DCDC2: variants seen among roughly 807,000 people sequenced by gnomAD.
The protein encoded by DCDC2 is doublecortin domain containing 2.
Under a neutral mutation model 50.2 loss-of-function variants are expected in DCDC2, and 40 were observed. That is an observed-to-expected ratio of 0.80 (90% CI 0.62 to 1.04). DCDC2 has a LOEUF of 1.04. DCDC2 is among the 50% of genes least tolerant of loss of function. The probability of loss-of-function intolerance (pLI) is 0.00; values close to 1 mark genes in which losing one functional copy is unlikely to be tolerated. For synonymous variants in DCDC2, 234 were observed against 210.6 expected (o/e 1.11, Z -0.96); for missense variants, 570 against 581.9 (o/e 0.98, Z 0.21).
At chr6:24,210,831 T>C (rs1012787261) in intron 7 of DCDC2, among the ~76,000 whole-genome samples, 4 of 152,134 alleles carry the variant, frequency 2.6e-5, no homozygotes, top group Non-Finnish European at 4.4e-5. Flanking sequence ...GATCTGGCAC[T>C]TAACTCCTCC....
intron 7 of DCDC2, among the ~76,000 whole-genome samples, chr6:24,243,650 G>C (rs1382201470): frequency 6.6e-6 from 1 of 152,172 alleles, no homozygotes; most frequent in Non-Finnish European, 1.5e-5. Flanking sequence ...TAGTTTGGAA[G>C]GAAGGCCCAG....
At chr6:24,222,851 A>G (rs1178300293) in intron 7 of DCDC2, among the ~76,000 whole-genome samples, 5 of 152,236 alleles carry the variant, frequency 3.3e-5, no homozygotes, top group Non-Finnish European at 5.9e-5. Flanking sequence ...ACAAAGTTCT[A>G]TTATTAAAGC....
the DCDC2 span, among the ~76,000 whole-genome samples, chr6:24,374,018 C>T: frequency 5.4e-3 from 815 of 151,910 alleles, 5 homozygotes; most frequent in African/African-American, 0.018. Flanking sequence ...AAAAATTAGC[C>T]GGGCGTGGTG....
intron 4 of DCDC2, among the ~76,000 whole-genome samples, chr6:24,297,631 A>G (rs907650719): frequency 2.0e-5 from 3 of 152,132 alleles, no homozygotes; most frequent in Non-Finnish European, 4.4e-5. Context: ...ACCTGTATAT[A>G]CCTTTGTGTC....
intron 7 of DCDC2, among the ~76,000 whole-genome samples, chr6:24,221,020 G>A (rs1328271124): frequency 8.8e-6 from 1 of 113,484 alleles, no homozygotes; most frequent in Non-Finnish European, 1.8e-5. Flanking sequence ...CTGCCCCTAT[G>A]ATCCACTCAC....
chr6:24,262,897 G>A (rs1034486817), intron 7 of DCDC2, among the ~76,000 whole-genome samples: 4 of 152,238 alleles, frequency 2.6e-5, no homozygotes, highest in Non-Finnish European at 5.9e-5. Flanking sequence ...CCAGGCAGTG[G>A]TCACTGTGGG....
At chr6:24,358,818 A>ATATTATATT (rs1184941607), upstream of DCDC2, among the ~76,000 whole-genome samples, 141 of 45,732 alleles carry the variant, frequency 3.1e-3, 10 homozygotes, top group African/African-American at 0.02. Context: ...ATATATAAAT[A>ATATTATATT]TATATATTAT....
chr6:24,287,235 T>G (rs1763632549), intron 6 of DCDC2, among the ~76,000 whole-genome samples: 1 of 152,244 alleles, frequency 6.6e-6, no homozygotes, highest in Non-Finnish European at 1.5e-5. Context: ...CCTAAGGGAC[T>G]CATTGTCCCG....
At chr6:24,293,375 A>T (rs1361945977) in intron 4 of DCDC2, among the ~76,000 whole-genome samples, 1 of 152,212 alleles carries the variant, frequency 6.6e-6, no homozygotes, top group African/African-American at 2.4e-5. Context: ...GAATATACTG[A>T]TGCATAGGGA....
intron 2 of DCDC2, among the ~76,000 whole-genome samples, chr6:24,344,849 A>G (rs553054836): frequency 6.6e-6 from 1 of 152,352 alleles, no homozygotes; most frequent in Admixed American, 6.5e-5. Flanking sequence ...CACCTTGGTC[A>G]CTGATGTGAA....
Position 24,278,145 on chromosome 6 carries a change from T to C in DCDC2, c.826A>G (p.Arg276Gly). The C allele has an allele frequency of 6.2e-7, 1 of 1,614,030 alleles. No homozygotes were observed. Among genetic ancestry groups the C allele is most frequent in the Non-Finnish European group, 8.5e-7 (1 of 1,179,934 alleles). Residue 276 changes from arginine to glycine, a missense_variant, in exon 7 of 10, where the codon AGG becomes GGG. By Grantham distance (125) the Arg-to-Gly change is moderately radical. Transcript: ENST00000378454. ...TTCACGTCTTCTTTTTTCCCTTTCC[T>C]CTTCAGGGGCTGAGGAGATGAGTTG... is the stretch of plus-strand genomic sequence containing the variant. ...SDNSSPQPLK[R>G]KGKKEDVNSE... is the part of the protein sequence containing the mutation.
chr6:24,221,894 A>G (rs369891066), intron 7 of DCDC2, among the ~76,000 whole-genome samples: 16 of 152,328 alleles, frequency 1.1e-4, no homozygotes, highest in East Asian at 3.9e-4. Flanking sequence ...AAGGCACTCA[A>G]CTGCTAAGTA....
At chr6:24,189,068 GCTGT>G (rs1761261809) in intron 8 of DCDC2, among the ~76,000 whole-genome samples, 1 of 152,016 alleles carries the variant, frequency 6.6e-6, no homozygotes, top group Non-Finnish European at 1.5e-5. Context: ...TATTAGAAAA[GCTGT>G]ACCAGCTTTT....
chr6:24,208,363 C>CTTTTTTT (rs34475687), intron 7 of DCDC2, among the ~76,000 whole-genome samples: 65 of 84,426 alleles, frequency 7.7e-4, no homozygotes, highest in Non-Finnish European at 9.1e-4. Flanking sequence ...CTCTGTGCTA[C>CTTTTTTT]TTTTTTTTTT....
chr6:24,360,741 C>T (rs1760652841), upstream of DCDC2, among the ~76,000 whole-genome samples: 1 of 51,922 alleles, frequency 1.9e-5, no homozygotes, highest in South Asian at 1.0e-3. Context: ...GTTCCTAACT[C>T]ATCATGTACG....
chr6:24,358,970 TATTTTATAC>T (rs1760566885), upstream of DCDC2, among the ~76,000 whole-genome samples: 1 of 68,022 alleles, frequency 1.5e-5, no homozygotes, highest in Non-Finnish European at 2.5e-5. Flanking sequence ...ATATATTATA[TATTTTATAC>T]ATTATATATT....
chr6:24,248,646 G>A (rs1418271979), intron 7 of DCDC2, among the ~76,000 whole-genome samples: 2 of 152,090 alleles, frequency 1.3e-5, no homozygotes, highest in African/African-American at 2.4e-5. Flanking sequence ...AATTTAATTT[G>A]TAATTCCCTC....
At chr6:24,178,028 T>C (rs892283175) in intron 9 of DCDC2, among the ~76,000 whole-genome samples, 1 of 152,214 alleles carries the variant, frequency 6.6e-6, no homozygotes, top group Non-Finnish European at 1.5e-5. Context: ...GGATTATGTA[T>C]GTTCTTAGAA....
intron 9 of DCDC2, among the ~76,000 whole-genome samples, chr6:24,177,127 A>G (rs1469979374): frequency 1.3e-5 from 2 of 152,212 alleles, no homozygotes; most frequent in Non-Finnish European, 2.9e-5. Context: ...AAAAGCTACT[A>G]CAACAAAGAG....
Sources: gnomAD v4.1 joint callset for allele counts (sites outside exome capture counted in the v4.1 genomes callset) on GRCh38, gnomAD v4.1.1 for gene constraint, MANE v1.5 for transcripts, NCBI Gene and HGNC (gene_info 2026-07-23, HGNC 2026-07-21) for gene names.